IL1RN: variants seen among roughly 807,000 people sequenced by gnomAD.
IL1RN encodes the protein interleukin 1 receptor antagonist, also known as interleukin-1 receptor antagonist protein.
In IL1RN, 10 loss-of-function variants were observed where a neutral mutation model predicts 13.7. The observed-to-expected ratio is 0.73, with a 90% CI of 0.45 to 1.24. The LOEUF is 1.24. Ranked by LOEUF, IL1RN falls within the 50% of genes most tolerant of loss-of-function variation. The pLI, the probability that IL1RN is intolerant of heterozygous loss-of-function variation, is 0.00. For synonymous variants in IL1RN, 102 were observed against 82.7 expected (o/e 1.23, Z -1.27); for missense variants, 213 against 222.1 (o/e 0.96, Z 0.26).
At chr2:113,099,720 T>C in the IL1RN span, among the ~76,000 whole-genome samples, 32,539 of 65,310 alleles carry the variant, frequency 0.5, 8,902 homozygotes, top group African/African-American at 0.68. Context: ...CATCCTCTTC[T>C]TTCTTTTCTT....
At chr2:113,128,643 G>T (rs1446235846) in intron 1 of IL1RN, among the ~76,000 whole-genome samples, 1 of 152,106 alleles carries the variant, frequency 6.6e-6, no homozygotes, top group African/African-American at 2.4e-5. Flanking sequence ...TAGAAACTAG[G>T]ATAATCACAA....
chr2:113,114,663 G>C (rs189304812), upstream of IL1RN, among the ~76,000 whole-genome samples: 2 of 152,060 alleles, frequency 1.3e-5, no homozygotes, highest in African/African-American at 4.8e-5. Flanking sequence ...GTGTGTGTCT[G>C]TGTTTGTGTG....
chr2:113,131,578 G>T (rs1687173326), intron 3 of IL1RN, among the ~76,000 whole-genome samples: 2 of 152,096 alleles, frequency 1.3e-5, no homozygotes, highest in African/African-American at 4.8e-5. Flanking sequence ...TGAACACCAG[G>T]AGACACGGTC....
At chr2:113,129,875 T>G in intron 2 of IL1RN, 1 of 567,788 alleles carries the variant, frequency 1.8e-6, no homozygotes, top group Non-Finnish European at 3.2e-6. Context: ...AGAGTCTAGG[T>G]CAGAGGTCAG....
intron 2 of IL1RN, chr2:113,130,185 G>T (rs1474571422): frequency 6.0e-6 from 1 of 167,920 alleles, no homozygotes; most frequent in Non-Finnish European, 1.3e-5. Context: ...TGGACAACAG[G>T]ATGTGCGATT....
At chr2:113,128,773 A>G (rs1794066) in intron 1 of IL1RN, among the ~76,000 whole-genome samples, 65,507 of 152,098 alleles carry the variant, frequency 0.43, 14,439 homozygotes, top group East Asian at 0.66. Context: ...TCACAGGTGA[A>G]GAGGTGAGGC....
Position 113,129,613 on chromosome 2 carries a change from A to T in IL1RN, c.154A>T (p.Asn52Tyr), listed in dbSNP as rs1687088005. The change falls in exon 2 of 4, where the codon AAC becomes TAC. Residue 52 changes from asparagine (N) to tyrosine (Y), a missense_variant. Coordinates refer to ENST00000409930, the MANE Select transcript of IL1RN (RefSeq NM_173842.3). ...TAACCAGAAGACCTTCTATCTGAGG[A>T]ACAACCAACTAGTTGCTGGATACTT... Reference protein sequence around the residue: ...DVNQKTFYLRNNQLVAGYLQG... With the variant: ...DVNQKTFYLRYNQLVAGYLQG... 6.2e-7 allele frequency: 1 copy of T among 1,613,302 alleles called. No homozygotes were observed. The highest frequency in any genetic ancestry group is 1.7e-5 in the Admixed American group (1 of 60,004).
chr2:113,132,831 G>A lies in IL1RN; in HGVS notation c.494G>A (p.Gly165Asp), dbSNP rs761256292. ...AGCCTCACCAATATGCCTGACGAAG[G>A]CGTCATGGTCACCAAATTCTACTTC... The part of the protein sequence containing the change: ...PVSLTNMPDE[G>D]VMVTKFYFQE... The change falls in exon 4 of 4, where the codon GGC becomes GAC. Residue 165 changes from glycine (G) to aspartate (D), a missense_variant. Gly to Asp is a moderately conservative substitution (Grantham distance 94, BLOSUM62 -1). Transcript: ENST00000409930. The A allele has an allele frequency of 1.2e-6, 2 of 1,614,246 alleles. No individual in the cohort carries two copies. Among genetic ancestry groups the A allele is most frequent in the Non-Finnish European group, 1.7e-6 (2 of 1,180,052 alleles).
upstream of IL1RN, among the ~76,000 whole-genome samples, chr2:113,108,501 T>G (rs1686421983): frequency 6.6e-6 from 1 of 151,756 alleles, no homozygotes; most frequent in Non-Finnish European, 1.5e-5. Flanking sequence ...CTTTCTCTAC[T>G]TTTAAGGACC....
chr2:113,110,168 C>T (rs1253839521), upstream of IL1RN, among the ~76,000 whole-genome samples: 2 of 152,230 alleles, frequency 1.3e-5, no homozygotes, highest in Non-Finnish European at 2.9e-5. Context: ...TGCATGAACA[C>T]TCACACACAT....
At chr2:113,120,335 T>C (rs1486797632) in intron 2 of IL1RN, among the ~76,000 whole-genome samples, 5 of 152,114 alleles carry the variant, frequency 3.3e-5, no homozygotes, top group Non-Finnish European at 5.9e-5. Flanking sequence ...TCCTGTGTGA[T>C]TGCTCTATGT....
chr2:113,113,787 G>C (rs1686542487), upstream of IL1RN, among the ~76,000 whole-genome samples: 1 of 152,186 alleles, frequency 6.6e-6, no homozygotes, highest in East Asian at 1.9e-4. Context: ...ACTGAGAAAA[G>C]GAGGAGCTGC....
intron 1 of IL1RN, 38 bp from the exon 2 acceptor site, chr2:113,129,538 G>T (rs774843535): frequency 3.1e-5 from 40 of 1,292,766 alleles, no homozygotes; most frequent in Non-Finnish European, 3.2e-5. Flanking sequence ...TGGGCACATG[G>T]TGGCTGTGCA....
At chr2:113,108,793 G>T (rs1384362092), upstream of IL1RN, among the ~76,000 whole-genome samples, 1 of 152,104 alleles carries the variant, frequency 6.6e-6, no homozygotes, top group East Asian at 1.9e-4. Flanking sequence ...AAAATAAGTC[G>T]AAATGTGGGG....
At chr2:113,113,131 T>G (rs540346675), upstream of IL1RN, 3 of 152,340 alleles carry the variant, frequency 2.0e-5, no homozygotes, top group Non-Finnish European at 4.4e-5. Context: ...TGATTGGAGT[T>G]TGCAACACTG....
chr2:113,114,625 G>A (rs1457784570), upstream of IL1RN, among the ~76,000 whole-genome samples: 2 of 152,018 alleles, frequency 1.3e-5, no homozygotes, highest in Non-Finnish European at 2.9e-5. Flanking sequence ...ATTTATTTAT[G>A]GTGATGTATG....
chr2:113,108,749 C>G (rs754723314), upstream of IL1RN, among the ~76,000 whole-genome samples: 9 of 151,956 alleles, frequency 5.9e-5, no homozygotes, highest in Admixed American at 5.9e-4. Context: ...AGGAAGAAAA[C>G]AGGAAACGTA....
chr2:113,132,961 G>C lies in IL1RN; in HGVS notation c.*90G>C, dbSNP rs1181307927. 7.9e-7 allele frequency: 1 copy of C among 1,262,646 alleles called. No homozygotes were observed. Among genetic ancestry groups the C allele is most frequent in the African/African-American group, 1.5e-5 (1 of 67,872 alleles). The allele number at this position is 1,262,646 out of a possible 1,614,324, so 78.2% of individuals were successfully genotyped here. On this transcript the variant is annotated 3_prime_UTR_variant, in exon 4 of 4. Coordinates refer to ENST00000409930, the MANE Select transcript of IL1RN (RefSeq NM_173842.3). ...TGCCCCAGGGCTCCCGGCTATGGGG[G>C]CACTGAGGACCAGCCATTGAGGGGT... is the stretch of plus-strand genomic sequence containing the variant.
chr2:113,110,133 G>A (rs1169385794), upstream of IL1RN, among the ~76,000 whole-genome samples: 1 of 152,112 alleles, frequency 6.6e-6, no homozygotes, highest in East Asian at 1.9e-4. Context: ...AGTCCCCATG[G>A]TATATCTGAC....
Sources: allele counts gnomAD v4.1 joint callset (sites outside exome capture counted in the v4.1 genomes callset), GRCh38; gene constraint gnomAD v4.1.1; transcripts MANE v1.5; gene names NCBI Gene and HGNC (gene_info 2026-07-23, HGNC 2026-07-21).